RGCC: variants seen among roughly 807,000 people sequenced by gnomAD.
The protein encoded by RGCC is regulator of cell cycle.
In RGCC, 15 loss-of-function variants were observed where a neutral mutation model predicts 15.4. The ratio of observed to expected loss-of-function variants is 0.97; its 90% CI spans 0.65 to 1.50. The LOEUF is 1.50. Ranked by LOEUF, RGCC falls within the 40% of genes most tolerant of loss-of-function variation. The probability of loss-of-function intolerance (pLI) is 0.00; values close to 1 mark genes in which losing one functional copy is unlikely to be tolerated. For missense variants in RGCC, 176 were observed against 189.7 expected (o/e 0.93, Z 0.42); for synonymous variants, 81 against 78.0 (o/e 1.04, Z -0.20).
At chr13:41,469,295 T>TAATAATAATAATAAGAAG (rs869157194) in intron 4 of RGCC, among the ~76,000 whole-genome samples, 30 of 86,742 alleles carry the variant, frequency 3.5e-4, no homozygotes, top group African/African-American at 1.1e-3. Context: ...ATAATAATAA[T>TAATAATAATAATAAGAAG]AAGAAGAAGA....
Position 41,468,757 on chromosome 13 carries a change from T to A in RGCC, c.344-19T>A. 1 of 1,567,920 alleles carries A rather than the reference T, an allele frequency of 6.4e-7. No individual in the cohort carries two copies. The highest frequency in any genetic ancestry group is 8.7e-7 in the Non-Finnish European group (1 of 1,145,710). Reference sequence around the variant, plus strand: ...ACTGAACTCTCTCTCTCTCTCTCTCTCCCTCTCCTGTTTCACAGCTAAATT... The same window carrying A: ...ACTGAACTCTCTCTCTCTCTCTCTCACCCTCTCCTGTTTCACAGCTAAATT... On this transcript the variant is annotated intron_variant, in intron 3 of 4. Coordinates refer to ENST00000379359, the MANE Select transcript of RGCC (RefSeq NM_014059.3).
intron 4 of RGCC, 109 bp from the exon 5 acceptor site, chr13:41,470,369 C>A: frequency 9.1e-7 from 1 of 1,094,544 alleles, no homozygotes; most frequent in Admixed American, 1.8e-5. Flanking sequence ...GTGTGGGAAG[C>A]CCAGCATTGA....
At chr13:41,468,025 A>G (rs1237350427) in intron 3 of RGCC, among the ~76,000 whole-genome samples, 8 of 152,190 alleles carry the variant, frequency 5.3e-5, no homozygotes, top group Non-Finnish European at 7.4e-5. Flanking sequence ...GATGAACTCT[A>G]CAAAAATAAA....
chr13:41,467,658 A>G (rs1475980868), intron 3 of RGCC, among the ~76,000 whole-genome samples: 1 of 152,246 alleles, frequency 6.6e-6, no homozygotes, highest in Non-Finnish European at 1.5e-5. Context: ...AGAAATGACA[A>G]TTCCATCACT....
intron 2 of RGCC, among the ~76,000 whole-genome samples, chr13:41,466,288 AACACAC>A (rs374828713): frequency 7.0e-6 from 1 of 143,128 alleles, no homozygotes. Context: ...CTTTCACACA[AACACAC>A]ACACACACTT....
rs920189503 is a variant in RGCC at position 41,470,704 on chromosome 13, T to C, written c.*219T>C. 1 of 550,586 alleles carries C rather than the reference T, an allele frequency of 1.8e-6. No individual in the cohort carries two copies. Among genetic ancestry groups the C allele is most frequent in the Non-Finnish European group, 3.2e-6 (1 of 309,450 alleles). 34.1% of individuals were successfully genotyped at this position (550,586 alleles called of 1,614,324 possible). A position where few individuals can be genotyped will look rare whatever the true frequency, so the allele number is the denominator to read the frequency against. On this transcript the variant is annotated 3_prime_UTR_variant, in exon 5 of 5. Transcript: ENST00000379359. ...ACTTTGTTTACCTGCTTGCAGCATA[T>C]TAGAACAGACGATCCATGCTAATAT...
In RGCC at chr13:41,458,423, G is replaced by T; in HGVS notation, c.188G>T (p.Arg63Leu). ...YEEHLERMKR[R>L]SSASVSDSSG... ...GAGCACCTGGAGCGCATGAAGCGGC[G>T]CAGCAGCGCCAGTGTCAGCGACAGC... Residue 63 changes from arginine to leucine, a missense_variant, in exon 2 of 5, where the codon CGC becomes CTC. Arg to Leu is a moderately radical substitution (Grantham distance 102). Transcript: ENST00000379359. The surrounding 1 kb of genome is among the most constrained non-coding windows in gnomAD (Gnocchi z 4.4). 6.2e-7 allele frequency: 1 copy of T among 1,601,714 alleles called. No individual in the cohort carries two copies. Among genetic ancestry groups the T allele is most frequent in the Non-Finnish European group, 8.5e-7 (1 of 1,178,858 alleles).
At position 41,470,722 on chromosome 13, in the gene RGCC, G is replaced by A. The variant is rs1342462540; in HGVS notation, c.*237G>A. 1 of 439,598 alleles carries A rather than the reference G, an allele frequency of 2.3e-6. No individual in the cohort carries two copies. The highest frequency in any genetic ancestry group is 4.0e-6 in the Non-Finnish European group (1 of 248,458). The allele number at this position is 439,598 out of a possible 1,614,324, so 27.2% of individuals were successfully genotyped here. A position where few individuals can be genotyped will look rare whatever the true frequency, so the allele number is the denominator to read the frequency against. The stretch of plus-strand genomic sequence containing the variant: ...CAGCATATTAGAACAGACGATCCAT[G>A]CTAATATTGTATTTTCTCTTAAAAC... On this transcript the variant is annotated 3_prime_UTR_variant, in exon 5 of 5. Transcript: ENST00000379359.
intron 4 of RGCC, among the ~76,000 whole-genome samples, chr13:41,469,279 A>G (rs970895259): frequency 2.1e-3 from 214 of 104,080 alleles, no homozygotes; most frequent in Non-Finnish European, 2.8e-3. Flanking sequence ...AATAATAATA[A>G]TAATAATAAT....
At position 41,470,733 on chromosome 13, in the gene RGCC, A is replaced by AT. The variant is rs1204163760; in HGVS notation, c.*252dup. On this transcript the variant is annotated 3_prime_UTR_variant, in exon 5 of 5. Transcript: ENST00000379359. ...AACAGACGATCCATGCTAATATTGT[A>AT]TTTTCTCTTAAAACATAGCTTTCCT... 2 of 408,448 alleles carry AT rather than the reference A, an allele frequency of 4.9e-6. No homozygotes were observed. Among genetic ancestry groups the AT allele is most frequent in the Non-Finnish European group, 8.7e-6 (2 of 230,468 alleles). 25.3% of individuals were successfully genotyped at this position (408,448 alleles called of 1,614,324 possible). A position where few individuals can be genotyped will look rare whatever the true frequency, so the allele number is the denominator to read the frequency against.
intron 2 of RGCC, among the ~76,000 whole-genome samples, chr13:41,461,168 G>A (rs776841172): frequency 2.6e-5 from 4 of 152,194 alleles, no homozygotes; most frequent in South Asian, 2.1e-4. Context: ...ACATGGTGGG[G>A]TGGGGGGTGT....
Position 41,470,581 on chromosome 13 carries a change from G to T in RGCC, c.*96G>T. On this transcript the variant is annotated 3_prime_UTR_variant, in exon 5 of 5. Transcript: ENST00000379359. ...GCTACTAGAATCTGCTGCCAGAGGG[G>T]ACAAAGACGTGCACTCAACCTTCTA... The T allele has an allele frequency of 8.0e-7, 1 of 1,246,786 alleles. No homozygotes were observed. The highest frequency in any genetic ancestry group is 1.5e-5 in the African/African-American group (1 of 67,660). The allele number at this position is 1,246,786 out of a possible 1,614,324, so 77.2% of individuals were successfully genotyped here.
rs2139571759 is a variant in RGCC at position 41,458,304 on chromosome 13, G to A, written c.69G>A (p.Ala23=). 6.3e-7 allele frequency: 1 copy of A among 1,579,236 alleles called. No individual in the cohort carries two copies. Among genetic ancestry groups the A allele is most frequent in the East Asian group, 2.3e-5 (1 of 43,866 alleles). Residue 23 remains alanine, a synonymous_variant, in exon 2 of 5, where the codon GCG becomes GCA. Transcript: ENST00000379359. This position sits in a 1 kb window ranked among gnomAD's most constrained non-coding sequence, Gnocchi z 4.4. ...AAAAAPALDS[A]AAEDLSDALC... ...CCGCAGCCCCGGCCCTGGACTCGGC[G>A]GCCGCGGAGGACCTGTCGGACGCGC...
intron 4 of RGCC, among the ~76,000 whole-genome samples, chr13:41,469,807 TGCA>T (rs2043866960): frequency 6.6e-6 from 1 of 152,154 alleles, no homozygotes; most frequent in Non-Finnish European, 1.5e-5. Flanking sequence ...AAATTATAAC[TGCA>T]GTATAGGGGC....
At position 41,457,822 on chromosome 13, in the gene RGCC, G is replaced by T; in HGVS notation, c.49+66G>T. ...GCAGATGGCGGGTGAGAAAGGAGGG[G>T]CCCCGTGTCGTCCCTTCACACCCCC... On this transcript the variant is annotated intron_variant, in intron 1 of 4. Transcript: ENST00000379359. The surrounding 1 kb of genome is among the most constrained non-coding windows in gnomAD (Gnocchi z 4.9). The T allele has an allele frequency of 7.4e-7, 1 of 1,352,088 alleles. No homozygotes were observed. The highest frequency in any genetic ancestry group is 9.5e-7 in the Non-Finnish European group (1 of 1,051,802). The allele number at this position is 1,352,088 out of a possible 1,614,324, so 83.8% of individuals were successfully genotyped here. A position where few individuals can be genotyped will look rare whatever the true frequency, so the allele number is the denominator to read the frequency against.
At chr13:41,468,399 TC>T (rs1422991255) in intron 3 of RGCC, among the ~76,000 whole-genome samples, 1 of 152,226 alleles carries the variant, frequency 6.6e-6, no homozygotes, top group East Asian at 1.9e-4. Flanking sequence ...CCTTTTATCT[TC>T]CCTTCCTGCT....
intron 2 of RGCC, among the ~76,000 whole-genome samples, chr13:41,463,577 A>C (rs1169187685): frequency 6.6e-6 from 1 of 151,808 alleles, no homozygotes; most frequent in Non-Finnish European, 1.5e-5. Flanking sequence ...GTGTGTTTCT[A>C]TATAAATAGA....
chr13:41,461,175 G>T (rs759195680), intron 2 of RGCC, among the ~76,000 whole-genome samples: 1 of 152,146 alleles, frequency 6.6e-6, no homozygotes, highest in Admixed American at 6.5e-5. Flanking sequence ...GGGGTGGGGG[G>T]TGTGGAGTTC....
intron 2 of RGCC, among the ~76,000 whole-genome samples, chr13:41,465,601 C>T (rs529435762): frequency 2.8e-4 from 43 of 152,222 alleles, no homozygotes; most frequent in African/African-American, 9.9e-4. Flanking sequence ...TGGATGGTCC[C>T]CTTGACTCCC....
Sources: allele counts gnomAD v4.1 joint callset (sites outside exome capture counted in the v4.1 genomes callset), GRCh38; gene constraint gnomAD v4.1.1; non-coding constraint Gnocchi (gnomAD v3.1); transcripts MANE v1.5; gene names NCBI Gene and HGNC (gene_info 2026-07-23, HGNC 2026-07-21).